UNC5D: variants seen among roughly 807,000 people sequenced by gnomAD.
UNC5D encodes the protein netrin receptor UNC5D.
A neutral mutation model predicts 105.4 loss-of-function variants in UNC5D; 39 were observed. The observed-to-expected ratio is 0.37, with a 90% CI of 0.29 to 0.48. The LOEUF is 0.48. Among genes scored for constraint, UNC5D ranks in the 20% least tolerant of loss-of-function variants. The pLI, the probability that UNC5D is intolerant of heterozygous loss-of-function variation, is 0.98. For synonymous variants in UNC5D, 452 were observed against 450.4 expected (o/e 1.00, Z -0.04); for missense variants, 991 against 1,202.4 (o/e 0.82, Z 2.60).
At chr8:35,404,425 G>A (rs76945842) in intron 1 of UNC5D, among the ~76,000 whole-genome samples, 3,593 of 152,280 alleles carry the variant, frequency 0.024, 146 homozygotes, top group African/African-American at 0.083. Context: ...GACTTAGAAG[G>A]TTTGGGTTCA....
rs149716219 is a variant in UNC5D at position 35,657,675 on chromosome 8, C to T, written c.571-25872C>T. Among the ~76,000 whole-genome samples the T allele has an allele frequency of 7.3e-3, 1,107 of 152,054 alleles. 22 individuals carry two copies. The highest frequency in any genetic ancestry group is 0.024 in the African/African-American group (1,011 of 41,488). ...AATTTTTAAATTTTGTTTATAGAAA[C>T]GAATTTTGTTATATTGCACAACCTG... On this transcript the variant is annotated intron_variant, in intron 4 of 16. Coordinates refer to ENST00000404895, the MANE Select transcript of UNC5D (RefSeq NM_080872.4).
At chr8:35,371,162 A>G (rs577399430) in intron 1 of UNC5D, among the ~76,000 whole-genome samples, 41 of 145,962 alleles carry the variant, frequency 2.8e-4, no homozygotes, top group Admixed American at 7.0e-4. Context: ...GCAGTGAGCT[A>G]TGATTGTGCC....
chr8:35,489,223 G>A (rs1412038929), intron 1 of UNC5D, among the ~76,000 whole-genome samples: 2 of 152,010 alleles, frequency 1.3e-5, no homozygotes, highest in Admixed American at 1.3e-4. Context: ...AGCCAGGCTG[G>A]TCTTGAACCC....
chr8:35,773,866 G>A (rs1024433716), intron 15 of UNC5D, among the ~76,000 whole-genome samples: 2 of 152,206 alleles, frequency 1.3e-5, no homozygotes, highest in Non-Finnish European at 2.9e-5. Flanking sequence ...GTGATTACAG[G>A]CACCTGCCAC....
At chr8:35,702,811 C>T (rs1032209490) in intron 7 of UNC5D, among the ~76,000 whole-genome samples, 2 of 152,074 alleles carry the variant, frequency 1.3e-5, no homozygotes, top group Non-Finnish European at 2.9e-5. Context: ...TGCCAGGGGA[C>T]TAAAACCCTC....
rs111926318 is a variant in UNC5D at position 35,642,760 on chromosome 8, G to A, written c.571-40787G>A. On this transcript the variant is annotated intron_variant, in intron 4 of 16. Coordinates refer to ENST00000404895, the MANE Select transcript of UNC5D (RefSeq NM_080872.4). ...ACTAGGAAGTATTGTTTTGTGGCCC[G>A]GTACAGATTTAATTTTGATGAGACT... 6.4e-3 allele frequency among the ~76,000 whole-genome samples: 974 copies of A among 152,122 alleles called. 12 individuals carry two copies. The highest frequency in any genetic ancestry group is 0.02 in the African/African-American group (833 of 41,512).
intron 1 of UNC5D, among the ~76,000 whole-genome samples, chr8:35,389,464 C>A (rs140959813): frequency 3.5e-4 from 53 of 152,184 alleles, no homozygotes; most frequent in Admixed American, 1.4e-3. Flanking sequence ...GATTATCATT[C>A]GTCTTTTGTT....
chr8:35,738,411 A>G (rs1829583672), intron 11 of UNC5D, among the ~76,000 whole-genome samples: 1 of 152,212 alleles, frequency 6.6e-6, no homozygotes, highest in Non-Finnish European at 1.5e-5. Flanking sequence ...ACCTGGTCTT[A>G]CTTTTTTAAT....
At chr8:35,245,115 A>G (rs999873468) in intron 1 of UNC5D, among the ~76,000 whole-genome samples, 1 of 152,096 alleles carries the variant, frequency 6.6e-6, no homozygotes, top group Non-Finnish European at 1.5e-5. Context: ...CCTCGTCTTT[A>G]TTATTACTTT....
intron 1 of UNC5D, among the ~76,000 whole-genome samples, chr8:35,479,953 A>G (rs934055080): frequency 6.6e-6 from 1 of 152,186 alleles, no homozygotes; most frequent in Admixed American, 6.5e-5. Context: ...AAGTGCTTTA[A>G]AATGTGGTGA....
At chr8:35,673,962 G>A (rs1436186504) in intron 4 of UNC5D, among the ~76,000 whole-genome samples, 2 of 152,094 alleles carry the variant, frequency 1.3e-5, no homozygotes, top group African/African-American at 2.4e-5. Context: ...AATGTTCAGG[G>A]GGCTAGCTTG....
At chr8:35,430,522 A>G (rs1806553833) in intron 1 of UNC5D, among the ~76,000 whole-genome samples, 1 of 152,162 alleles carries the variant, frequency 6.6e-6, no homozygotes, top group Admixed American at 6.6e-5. Context: ...AGAAGCACAA[A>G]TGAAACAACC....
At chr8:35,756,240 G>A (rs79228811) in intron 13 of UNC5D, among the ~76,000 whole-genome samples, 3,042 of 152,160 alleles carry the variant, frequency 0.02, 42 homozygotes, top group Non-Finnish European at 0.032. Flanking sequence ...ATTGTATATT[G>A]TTGGCTCAAT....
chr8:35,771,884 T>C (rs1481324127), intron 15 of UNC5D, among the ~76,000 whole-genome samples: 1 of 152,192 alleles, frequency 6.6e-6, no homozygotes, highest in African/African-American at 2.4e-5. Flanking sequence ...TGGGTGAATT[T>C]TTCCGGGTTT....
chr8:35,674,409 ATGTG>A (rs1220285383), intron 4 of UNC5D, among the ~76,000 whole-genome samples: 1 of 151,822 alleles, frequency 6.6e-6, no homozygotes, highest in Non-Finnish European at 1.5e-5. Flanking sequence ...GTGTTTGTGT[ATGTG>A]TGTGTGTATA....
At chr8:35,623,129 CCT>C (rs1158479981) in intron 4 of UNC5D, among the ~76,000 whole-genome samples, 1 of 152,084 alleles carries the variant, frequency 6.6e-6, no homozygotes, top group Non-Finnish European at 1.5e-5. Context: ...ATTATCACTG[CCT>C]CTCTGTCTCT....
chr8:35,412,876 G>T (rs1361253195), intron 1 of UNC5D, among the ~76,000 whole-genome samples: 2 of 152,066 alleles, frequency 1.3e-5, no homozygotes, highest in Non-Finnish European at 2.9e-5. Flanking sequence ...AAGGAGCTCT[G>T]ATTCCATGGA....
At chr8:35,625,562 G>A (rs1821655568) in intron 4 of UNC5D, among the ~76,000 whole-genome samples, 1 of 152,142 alleles carries the variant, frequency 6.6e-6, no homozygotes, top group Non-Finnish European at 1.5e-5. Flanking sequence ...AATGTAATGT[G>A]GCAGGATTGC....
intron 3 of UNC5D, among the ~76,000 whole-genome samples, chr8:35,576,174 CA>C (rs1554563963): frequency 6.6e-6 from 1 of 152,150 alleles, no homozygotes; most frequent in Non-Finnish European, 1.5e-5. Context: ...TTTGAGTGAT[CA>C]ACAGCAAGTG....
Sources: gnomAD v4.1 joint callset for allele counts (sites outside exome capture counted in the v4.1 genomes callset) on GRCh38, gnomAD v4.1.1 for gene constraint, MANE v1.5 for transcripts, NCBI Gene and HGNC (gene_info 2026-07-23, HGNC 2026-07-21) for gene names.